COL23A1: variants seen among roughly 807,000 people sequenced by gnomAD.
The protein encoded by COL23A1 is collagen type XXIII alpha 1 chain, also known as collagen alpha-1(XXIII) chain.
A neutral mutation model predicts 99.3 loss-of-function variants in COL23A1; 97 were observed. That is an observed-to-expected ratio of 0.98 (90% CI 0.83 to 1.16). The LOEUF is 1.16. COL23A1 is among the 50% of genes most tolerant of loss of function. The probability of loss-of-function intolerance (pLI) is 0.00; values close to 1 mark genes in which losing one functional copy is unlikely to be tolerated. For missense variants in COL23A1, 762 were observed against 757.4 expected (o/e 1.01, Z -0.07); for synonymous variants, 320 against 308.2 (o/e 1.04, Z -0.40).
intron 8 of COL23A1, among the ~76,000 whole-genome samples, chr5:178,264,051 G>A (rs1765778625): frequency 6.6e-6 from 1 of 152,188 alleles, no homozygotes; most frequent in South Asian, 2.1e-4. Flanking sequence ...AGGCGTTAGG[G>A]ATGGGGGGAT....
chr5:178,456,434 C>T (rs1246571700), intron 2 of COL23A1, among the ~76,000 whole-genome samples: 1 of 152,186 alleles, frequency 6.6e-6, no homozygotes, highest in Non-Finnish European at 1.5e-5. Flanking sequence ...CATGGTGGCT[C>T]ACGCCTGTAA....
At chr5:178,261,612 C>A (rs573525282) in intron 11 of COL23A1, 110 bp downstream of exon 11, 13 of 756,610 alleles carry the variant, frequency 1.7e-5, no homozygotes, top group Non-Finnish European at 3.1e-5. Flanking sequence ...CCTGACCCTG[C>A]TGCCTTGGCT....
chr5:178,392,015 C>G (rs1763990561), intron 2 of COL23A1, among the ~76,000 whole-genome samples: 1 of 151,882 alleles, frequency 6.6e-6, no homozygotes, highest in Non-Finnish European at 1.5e-5. Flanking sequence ...TATGAAATGT[C>G]TGGAATAGGG....
chr5:178,534,606 C>T (rs1760832941), intron 2 of COL23A1, among the ~76,000 whole-genome samples: 2 of 152,078 alleles, frequency 1.3e-5, no homozygotes, highest in African/African-American at 4.8e-5. Flanking sequence ...TGGTGAAATT[C>T]CATCTCTACT....
chr5:178,322,031 C>T (rs1432669599), intron 2 of COL23A1, among the ~76,000 whole-genome samples: 44 of 148,782 alleles, frequency 3.0e-4, no homozygotes, highest in Non-Finnish European at 5.2e-4. Context: ...CTTGCTCTGT[C>T]ACCCAGGCTG....
At chr5:178,435,009 G>A (rs529415550) in intron 2 of COL23A1, among the ~76,000 whole-genome samples, 2 of 152,216 alleles carry the variant, frequency 1.3e-5, no homozygotes, top group South Asian at 2.1e-4. Flanking sequence ...CCGCTCGCTC[G>A]ATTTCCAGCC....
chr5:178,558,088 G>A (rs767052024), intron 2 of COL23A1, among the ~76,000 whole-genome samples: 17 of 151,514 alleles, frequency 1.1e-4, no homozygotes, highest in Non-Finnish European at 2.1e-4. Flanking sequence ...CCTTCCTCTC[G>A]GTGGGACTAG....
chr5:178,523,191 TATATATATATAGAGAG>T (rs1760078316), intron 2 of COL23A1, among the ~76,000 whole-genome samples: 20 of 80,836 alleles, frequency 2.5e-4, no homozygotes, highest in Non-Finnish European at 4.3e-4. Context: ...CATATATATA[TATATATATATAGAGAG>T]AGAGAGAGAG....
At position 178,247,766 on chromosome 5, in the gene COL23A1, C is replaced by T. The variant is rs373549007; in HGVS notation, c.1269+9G>A. The T allele has an allele frequency of 1.1e-4, 170 of 1,613,164 alleles. 2 individuals are homozygous for T. Among genetic ancestry groups the T allele is most frequent in the Admixed American group, 2.8e-4 (17 of 60,008 alleles). On this transcript the variant is annotated intron_variant, in intron 21 of 28. Transcript: ENST00000390654. ...TGCTTCAAACCAAACCAAAGCAAAC[C>T]GTCCTTACCATCGGGCCTGGGGGGC...
chr5:178,386,964 T>G (rs1440080673), intron 2 of COL23A1, among the ~76,000 whole-genome samples: 1 of 152,106 alleles, frequency 6.6e-6, no homozygotes, highest in Admixed American at 6.6e-5. Context: ...ATTGCACTAT[T>G]AGGATGGGTG....
intron 17 of COL23A1, among the ~76,000 whole-genome samples, 159 bp from the exon 18 acceptor site, chr5:178,250,264 C>G (rs1029240910): frequency 6.6e-6 from 1 of 152,222 alleles, no homozygotes; most frequent in Non-Finnish European, 1.5e-5. Flanking sequence ...GTTTCCTCAG[C>G]CCATCACGAG....
rs1451698746 is a variant in COL23A1, at chr5:178,280,820, T to G, written c.441+7504A>C. 1.3e-5 allele frequency among the ~76,000 whole-genome samples: 2 copies of G among 152,188 alleles called. No homozygotes were observed. The highest frequency in any genetic ancestry group is 2.9e-5 in the Non-Finnish European group (2 of 68,024). ...GAGCTAGGTGTGGACAGGAGGTACC[T>G]GGGCTGCTGCCAGGAGGATGCAAAA... is the stretch of plus-strand genomic sequence containing the variant. On this transcript the variant is annotated intron_variant, in intron 5 of 28. Coordinates refer to ENST00000390654, the MANE Select transcript of COL23A1 (RefSeq NM_173465.4). The surrounding 1 kb of genome is among the most constrained non-coding windows in gnomAD (Gnocchi z 4.9).
chr5:178,272,718 AC>A (rs1756360406), intron 5 of COL23A1, among the ~76,000 whole-genome samples: 1 of 152,008 alleles, frequency 6.6e-6, no homozygotes, highest in African/African-American at 2.4e-5. Flanking sequence ...CCTCGGTAGT[AC>A]ACTAAATTTG....
intron 3 of COL23A1, among the ~76,000 whole-genome samples, chr5:178,298,571 C>G (rs1040888171): frequency 6.6e-6 from 1 of 152,218 alleles, no homozygotes; most frequent in Non-Finnish European, 1.5e-5. Flanking sequence ...CTGCTCCTCT[C>G]TGTTGCCCCT....
intron 2 of COL23A1, among the ~76,000 whole-genome samples, chr5:178,546,525 C>T (rs1436545040): frequency 6.6e-6 from 1 of 152,180 alleles, no homozygotes; most frequent in African/African-American, 2.4e-5. Flanking sequence ...GCCGTCTGCC[C>T]CCCAGAGCTG....
intron 8 of COL23A1, among the ~76,000 whole-genome samples, chr5:178,266,201 C>T (rs552235056): frequency 5.8e-4 from 89 of 152,138 alleles, no homozygotes; most frequent in Non-Finnish European, 1.1e-3. Flanking sequence ...CCTCCACACC[C>T]GGCTAATTTT....
intron 2 of COL23A1, among the ~76,000 whole-genome samples, chr5:178,385,353 C>T (rs1042239289): frequency 2.0e-5 from 3 of 152,232 alleles, no homozygotes; most frequent in African/African-American, 4.8e-5. Flanking sequence ...CTCTATCAAA[C>T]ACCACCCCCA....
intron 2 of COL23A1, among the ~76,000 whole-genome samples, chr5:178,311,683 G>A (rs941985992): frequency 4.7e-5 from 7 of 150,432 alleles, no homozygotes; most frequent in East Asian, 1.9e-4. Context: ...CTCCCAAAGC[G>A]TTGGGATTAT....
At chr5:178,525,676 C>T (rs1283610175) in intron 2 of COL23A1, among the ~76,000 whole-genome samples, 6 of 123,148 alleles carry the variant, frequency 4.9e-5, no homozygotes, top group African/African-American at 1.8e-4. Context: ...CCCCAGGACC[C>T]GAAGGCTAAG....
Sources: gnomAD v4.1 joint callset for allele counts (sites outside exome capture counted in the v4.1 genomes callset) on GRCh38, gnomAD v4.1.1 for gene constraint, Gnocchi (gnomAD v3.1) non-coding constraint, MANE v1.5 for transcripts, NCBI Gene and HGNC (gene_info 2026-07-23, HGNC 2026-07-21) for gene names.